Variants in PHLDB2 observed in about 807,000 individuals in gnomAD.
PHLDB2 encodes pleckstrin homology-like domain family B member 2.
Under a neutral mutation model 123.6 loss-of-function variants are expected in PHLDB2, and 71 were observed. The ratio of observed to expected loss-of-function variants is 0.57; its 90% CI spans 0.47 to 0.70. PHLDB2 has a LOEUF of 0.70. Among genes scored for constraint, PHLDB2 ranks in the 30% least tolerant of loss-of-function variants. The pLI, the probability that PHLDB2 is intolerant of heterozygous loss-of-function variation, is 0.00. For missense variants in PHLDB2, 1,446 were observed against 1,519.5 expected, an observed-to-expected ratio of 0.95 and a Z score of 0.80; for synonymous variants, 547 against 541.6, an observed-to-expected ratio of 1.01 and a Z score of -0.14.
intron 15 of PHLDB2, among the ~76,000 whole-genome samples, 175 bp downstream of exon 15, chr3:111,967,999 A>AAAAAAG (rs61395045): frequency 4.1e-5 from 6 of 145,926 alleles, no homozygotes; most frequent in African/African-American, 1.0e-4. Context: ...AAAAAAAAAA[A>AAAAAAG]TGTGAGTTCA....
intron 2 of PHLDB2, among the ~76,000 whole-genome samples, chr3:111,894,467 A>G (rs2107394993): frequency 6.6e-6 from 1 of 151,862 alleles, no homozygotes; most frequent in African/African-American, 2.4e-5. Flanking sequence ...CTAGTTCTAG[A>G]TCCCTGAGGA....
chr3:111,943,761 C>T (rs867730770), intron 8 of PHLDB2, among the ~76,000 whole-genome samples: 21 of 152,234 alleles, frequency 1.4e-4, no homozygotes, highest in Middle Eastern at 3.4e-3. Flanking sequence ...TATGAAGCAA[C>T]TAGAACTTTC....
At chr3:111,787,480 C>T (rs997223284) in intron 1 of PHLDB2, among the ~76,000 whole-genome samples, 25 of 152,154 alleles carry the variant, frequency 1.6e-4, no homozygotes, top group African/African-American at 5.8e-4. Flanking sequence ...TCATAACATT[C>T]ACAGACCCTT....
chr3:111,765,198 C>G (rs1011147742), intron 1 of PHLDB2, among the ~76,000 whole-genome samples: 1 of 152,128 alleles, frequency 6.6e-6, no homozygotes, highest in Non-Finnish European at 1.5e-5. Flanking sequence ...GTTTGAAGCC[C>G]CTTAGTCTTC....
At chr3:111,827,404 G>A (rs906277655) in intron 1 of PHLDB2, among the ~76,000 whole-genome samples, 5 of 152,156 alleles carry the variant, frequency 3.3e-5, no homozygotes, top group Non-Finnish European at 5.9e-5. Flanking sequence ...GGCCGGGCGC[G>A]GTAGCTCACG....
At chr3:111,897,576 C>G (rs1340424549) in intron 2 of PHLDB2, among the ~76,000 whole-genome samples, 1 of 152,174 alleles carries the variant, frequency 6.6e-6, no homozygotes, top group Non-Finnish European at 1.5e-5. Context: ...TTCAAAATTG[C>G]TAAGACCATA....
intron 12 of PHLDB2, among the ~76,000 whole-genome samples, chr3:111,955,855 A>G (rs2071021484): frequency 6.6e-6 from 1 of 152,200 alleles, no homozygotes; most frequent in Admixed American, 6.5e-5. Context: ...TAATTGAAAG[A>G]GCAAGCATTT....
intron 12 of PHLDB2, among the ~76,000 whole-genome samples, chr3:111,961,208 G>A (rs1384286361): frequency 1.3e-5 from 2 of 152,202 alleles, no homozygotes; most frequent in Non-Finnish European, 2.9e-5. Context: ...GTGCACTCCT[G>A]TAGTCCCAGC....
chr3:111,923,877 C>T (rs188988558), intron 5 of PHLDB2, among the ~76,000 whole-genome samples: 121 of 152,340 alleles, frequency 7.9e-4, no homozygotes, highest in African/African-American at 2.8e-3. Flanking sequence ...TTCCTTCAAT[C>T]CATTCTCTTC....
At chr3:111,845,914 G>A (rs1250828148) in exon 2 of PHLDB2, 1 of 1,614,140 alleles carries the variant, frequency 6.2e-7, no homozygotes, top group Non-Finnish European at 8.5e-7. Flanking sequence ...GGAAGATGGA[G>A]TTGGTGATGT....
At chr3:111,787,878 G>A (rs1447376406) in intron 1 of PHLDB2, among the ~76,000 whole-genome samples, 1 of 152,150 alleles carries the variant, frequency 6.6e-6, no homozygotes, top group Non-Finnish European at 1.5e-5. Flanking sequence ...TTTTTCTACA[G>A]TTTTTAAATA....
intron 2 of PHLDB2, among the ~76,000 whole-genome samples, chr3:111,901,458 C>T (rs985585251): frequency 7.9e-5 from 12 of 151,762 alleles, no homozygotes; most frequent in Admixed American, 4.6e-4. Context: ...AGTCTACTGT[C>T]GTTTTTTTAC....
chr3:111,737,456 C>T (rs2059529558), intron 1 of PHLDB2, among the ~76,000 whole-genome samples: 1 of 152,154 alleles, frequency 6.6e-6, no homozygotes, highest in Admixed American at 6.5e-5. Flanking sequence ...GCCCCTGACC[C>T]ACCCAAAACT....
intron 1 of PHLDB2, among the ~76,000 whole-genome samples, chr3:111,761,485 ATCC>A (rs2059993422): frequency 6.6e-6 from 1 of 152,226 alleles, no homozygotes; most frequent in Non-Finnish European, 1.5e-5. Flanking sequence ...CAAATCCTTC[ATCC>A]TAAAAAGGCA....
At chr3:111,861,065 T>G (rs1043645936) in intron 1 of PHLDB2, among the ~76,000 whole-genome samples, 1 of 152,192 alleles carries the variant, frequency 6.6e-6, no homozygotes, top group African/African-American at 2.4e-5. Context: ...GGTCCACAGT[T>G]TCAGAAGGTT....
chr3:111,755,519 G>A (rs796337805), intron 1 of PHLDB2, among the ~76,000 whole-genome samples: 21,482 of 142,448 alleles, frequency 0.15, 1,985 homozygotes, highest in African/African-American at 0.27. Context: ...ATTTTTTATT[G>A]CGTCTATTTG....
At chr3:111,973,436 T>G (rs947781834) in intron 16 of PHLDB2, among the ~76,000 whole-genome samples, 4 of 152,228 alleles carry the variant, frequency 2.6e-5, no homozygotes, top group Non-Finnish European at 5.9e-5. Context: ...GTTTACACTT[T>G]CCATGCTAAC....
chr3:111,779,453 T>C (rs1272592365), intron 1 of PHLDB2, among the ~76,000 whole-genome samples: 1 of 152,008 alleles, frequency 6.6e-6, no homozygotes, highest in African/African-American at 2.4e-5. Flanking sequence ...TTTATGTCCA[T>C]GTGTACCCAA....
At chr3:111,876,099 G>A (rs2107281743) in intron 1 of PHLDB2, among the ~76,000 whole-genome samples, 1 of 152,188 alleles carries the variant, frequency 6.6e-6, no homozygotes, top group African/African-American at 2.4e-5. Flanking sequence ...GGCATATTGA[G>A]GAGGCAAGAG....
Sources: allele counts gnomAD v4.1 joint callset (sites outside exome capture counted in the v4.1 genomes callset), GRCh38; gene constraint gnomAD v4.1.1; transcripts MANE v1.5; gene names NCBI Gene and HGNC (gene_info 2026-07-23, HGNC 2026-07-21).